The following MACROD2 variants were observed in gnomAD, a reference collection of about 807,000 sequenced individuals.
MACROD2 encodes the protein mono-ADP ribosylhydrolase 2.
MACROD2 carries 36 observed loss-of-function variants against 70.4 expected under a neutral mutation model. That is an observed-to-expected ratio of 0.51 (90% CI 0.39 to 0.68). The LOEUF is 0.68. MACROD2 is among the 30% of genes least tolerant of loss of function. The pLI, the probability that MACROD2 is intolerant of heterozygous loss-of-function variation, is 0.00. For missense variants in MACROD2, 496 were observed against 538.4 expected, an observed-to-expected ratio of 0.92 and a Z score of 0.78; for synonymous variants, 172 against 178.8, an observed-to-expected ratio of 0.96 and a Z score of 0.30.
chr20:15,821,196 T>C (rs1408765335), intron 8 of MACROD2, among the ~76,000 whole-genome samples: 1 of 152,204 alleles, frequency 6.6e-6, no homozygotes, highest in Non-Finnish European at 1.5e-5. Flanking sequence ...TTGCTTGTCT[T>C]CATATTAAGT....
chr20:15,695,279 T>G (rs2050351158), intron 8 of MACROD2, among the ~76,000 whole-genome samples: 1 of 152,212 alleles, frequency 6.6e-6, no homozygotes, highest in African/African-American at 2.4e-5. Flanking sequence ...CTGATGGGGA[T>G]TGCATTGAAT....
At chr20:15,424,597 G>A (rs538070169) in intron 6 of MACROD2, among the ~76,000 whole-genome samples, 18 of 152,290 alleles carry the variant, frequency 1.2e-4, no homozygotes, top group African/African-American at 3.9e-4. Context: ...ATGAATGCCT[G>A]TAGTCCCAGC....
In MACROD2 at chr20:15,264,723, C is replaced by T. The variant is rs7267845; in HGVS notation, c.540+34662C>T. ...CTGGGCATGGAGACCTTTTAGTCTC[C>T]TCTCCTGCCACAAAGAGTTAGAGGA... On this transcript the variant is annotated intron_variant, in intron 6 of 17. Transcript: ENST00000684519. Among the ~76,000 whole-genome samples, 1,400 of 151,080 alleles carry T rather than the reference C, an allele frequency of 9.3e-3. 23 individuals are homozygous for T. The highest frequency in any genetic ancestry group is 0.031 in the African/African-American group (1,295 of 41,482).
intron 8 of MACROD2, among the ~76,000 whole-genome samples, chr20:15,653,834 G>C (rs948873713): frequency 2.0e-5 from 3 of 152,146 alleles, no homozygotes; most frequent in African/African-American, 7.2e-5. Context: ...AAACTGGTAA[G>C]ACCTTGTAAC....
chr20:15,178,348 C>T (rs754539282), intron 5 of MACROD2, among the ~76,000 whole-genome samples: 1 of 152,194 alleles, frequency 6.6e-6, no homozygotes, highest in Non-Finnish European at 1.5e-5. Flanking sequence ...TCTGTAAGTG[C>T]ATCTTATGGG....
chr20:15,265,826 A>C (rs992580), intron 6 of MACROD2, among the ~76,000 whole-genome samples: 64,661 of 152,092 alleles, frequency 0.43, 14,064 homozygotes, highest in African/African-American at 0.47. Flanking sequence ...CATTGTTCCA[A>C]AGGTTGATTT....
chr20:14,721,701 C>T (rs2071472143), intron 5 of MACROD2, among the ~76,000 whole-genome samples: 1 of 152,112 alleles, frequency 6.6e-6, no homozygotes. Flanking sequence ...TTTTCATGTC[C>T]TTAGAATGAA....
chr20:15,702,477 GTC>G (rs1177215351), intron 8 of MACROD2, among the ~76,000 whole-genome samples: 26 of 152,272 alleles, frequency 1.7e-4, no homozygotes, highest in Middle Eastern at 3.4e-3. Context: ...TTTGAGAAGA[GTC>G]TGTTCATATC....
chr20:15,967,932 T>C (rs985761115), intron 13 of MACROD2, among the ~76,000 whole-genome samples: 1 of 152,136 alleles, frequency 6.6e-6, no homozygotes, highest in African/African-American at 2.4e-5. Flanking sequence ...GTTATAACAA[T>C]GAGAATAAAT....
chr20:14,294,760 A>G lies in MACROD2; in HGVS notation c.272-198719A>G, dbSNP rs1260126358. 2.0e-5 allele frequency among the ~76,000 whole-genome samples: 3 copies of G among 151,862 alleles called. 1 individual carries two copies. The highest frequency in any genetic ancestry group is 7.3e-5 in the African/African-American group (3 of 41,198). ...CTCATAAATTATAAATTTGGCAAAT[A>G]TGGAGCTCTTTTAAGTTGATTTTTA... On this transcript the variant is annotated intron_variant, in intron 3 of 17. Transcript: ENST00000684519.
intron 3 of MACROD2, among the ~76,000 whole-genome samples, chr20:14,125,857 T>C (rs1043146622): frequency 6.6e-6 from 1 of 152,200 alleles, no homozygotes; most frequent in South Asian, 2.1e-4. Flanking sequence ...AGCCACTTTA[T>C]TGGATTGGGT....
intron 15 of MACROD2, among the ~76,000 whole-genome samples, chr20:16,033,251 G>A (rs555086574): frequency 6.6e-6 from 1 of 152,170 alleles, no homozygotes; most frequent in African/African-American, 2.4e-5. Context: ...TGTTCTTCAT[G>A]TAGATGTAGA....
chr20:14,011,292 G>C (rs1053018513), intron 2 of MACROD2, among the ~76,000 whole-genome samples: 2 of 152,094 alleles, frequency 1.3e-5, no homozygotes, highest in African/African-American at 2.4e-5. Flanking sequence ...AAGACTGGCA[G>C]CTGGTGTTTA....
At chr20:15,491,680 G>C (rs2047233229) in intron 7 of MACROD2, among the ~76,000 whole-genome samples, 1 of 152,212 alleles carries the variant, frequency 6.6e-6, no homozygotes, top group South Asian at 2.1e-4. Context: ...GTAATCATTG[G>C]TTGAAGAATG....
intron 6 of MACROD2, among the ~76,000 whole-genome samples, chr20:15,362,710 G>C (rs985867388): frequency 6.6e-6 from 1 of 151,564 alleles, no homozygotes; most frequent in East Asian, 1.9e-4. Flanking sequence ...TGAATGTATA[G>C]GAAAAAATTT....
chr20:14,776,471 A>ATCATAATCACAG (rs1434812082), intron 5 of MACROD2, among the ~76,000 whole-genome samples: 1 of 152,034 alleles, frequency 6.6e-6, no homozygotes, highest in African/African-American at 2.4e-5. Context: ...CAATAATTAT[A>ATCATAATCACAG]TCATAATCAC....
chr20:14,301,906 G>A (rs2082478211), intron 3 of MACROD2, among the ~76,000 whole-genome samples: 1 of 152,110 alleles, frequency 6.6e-6, no homozygotes, highest in Non-Finnish European at 1.5e-5. Context: ...TAACTACTGT[G>A]AAATCTGTAA....
chr20:14,969,112 T>C (rs1004739644), intron 5 of MACROD2, among the ~76,000 whole-genome samples: 2 of 151,682 alleles, frequency 1.3e-5, no homozygotes, highest in South Asian at 2.1e-4. Context: ...TTAGAACTAC[T>C]CATTCAGCCA....
intron 5 of MACROD2, among the ~76,000 whole-genome samples, chr20:15,166,171 C>G (rs1463872481): frequency 6.6e-6 from 1 of 152,022 alleles, no homozygotes; most frequent in Admixed American, 6.6e-5. Context: ...GTTGGACAAC[C>G]CTGTAAATTT....
Sources: gnomAD v4.1 joint callset for allele counts (sites outside exome capture counted in the v4.1 genomes callset) on GRCh38, gnomAD v4.1.1 for gene constraint, MANE v1.5 for transcripts, NCBI Gene and HGNC (gene_info 2026-07-23, HGNC 2026-07-21) for gene names.